Variants in CTNNA3 observed in about 807,000 individuals in gnomAD.
The protein encoded by CTNNA3 is catenin alpha-3.
A neutral mutation model predicts 95.7 loss-of-function variants in CTNNA3; 76 were observed. The ratio of observed to expected loss-of-function variants is 0.79; its 90% confidence interval spans 0.66 to 0.96. CTNNA3 has a LOEUF of 0.96. Ranked by LOEUF, CTNNA3 falls within the 40% of genes least tolerant of loss-of-function variation. The pLI is 0.00. For missense variants in CTNNA3, 1,191 were observed against 1,089.8 expected, an observed-to-expected ratio of 1.09 and a Z score of -1.31; for synonymous variants, 431 against 374.4, an observed-to-expected ratio of 1.15 and a Z score of -1.74.
At chr10:66,123,890 G>A (rs1266063584) in intron 13 of CTNNA3, among the ~76,000 whole-genome samples, 1 of 152,174 alleles carries the variant, frequency 6.6e-6, no homozygotes, top group African/African-American at 2.4e-5. Flanking sequence ...CAGGGACCCT[G>A]GGCCTGGCCC....
intron 14 of CTNNA3, among the ~76,000 whole-genome samples, chr10:66,101,402 A>C (rs550049444): frequency 6.6e-6 from 1 of 152,322 alleles, no homozygotes; most frequent in Non-Finnish European, 1.5e-5. Context: ...TCTCCACTGA[A>C]ATGAAATATT....
At chr10:67,000,783 C>T (rs1045815664) in intron 7 of CTNNA3, among the ~76,000 whole-genome samples, 5 of 152,006 alleles carry the variant, frequency 3.3e-5, no homozygotes, top group African/African-American at 7.2e-5. Flanking sequence ...CTATGGGGAG[C>T]GCATTATGAA....
rs1210482029 is a variant in CTNNA3 at position 67,296,934 on chromosome 10, C to CAAAAAA, written c.580-77070_580-77065dup. ...GGGCAACAAGAATGAAACGCTGTCT[C>CAAAAAA]AAAAAAAAAAAAAAAAAAAAAAAAA... On this transcript the variant is annotated intron_variant, in intron 5 of 17. Coordinates refer to ENST00000433211, the MANE Select transcript of CTNNA3 (RefSeq NM_013266.4). Among the ~76,000 whole-genome samples, 56 of 17,658 alleles carry CAAAAAA rather than the reference C, an allele frequency of 3.2e-3. 8 individuals are homozygous for CAAAAAA. In the East Asian group the frequency reaches 0.037, roughly 12 times the overall value. The allele number at this position is 17,658 out of a possible 152,430, so 11.6% of individuals were successfully genotyped here.
chr10:67,302,011 GAAAGAAAGAAAGAAA>G, intron 5 of CTNNA3, among the ~76,000 whole-genome samples: 1 of 12,580 alleles, frequency 7.9e-5, no homozygotes, highest in Non-Finnish European at 1.2e-4. Flanking sequence ...ACGAAAGAAA[GAAAGAAAGAAAGAAA>G]GAAAGAAAGA....
chr10:66,973,610 T>A (rs1433665057), intron 7 of CTNNA3, among the ~76,000 whole-genome samples: 1 of 152,164 alleles, frequency 6.6e-6, no homozygotes, highest in Non-Finnish European at 1.5e-5. Context: ...TCTCAAATAA[T>A]TTTGTTAGAC....
chr10:67,188,429 G>C (rs1589840187), intron 6 of CTNNA3, among the ~76,000 whole-genome samples: 1 of 152,214 alleles, frequency 6.6e-6, no homozygotes, highest in East Asian at 1.9e-4. Context: ...TGGCAAACCA[G>C]TCATTCACAG....
chr10:67,549,218 T>C (rs1291633437), intron 3 of CTNNA3, among the ~76,000 whole-genome samples: 3 of 152,146 alleles, frequency 2.0e-5, no homozygotes, highest in African/African-American at 7.2e-5. Context: ...CTTTAATAAC[T>C]GTAAAAACTA....
chr10:66,554,786 C>T (rs1842340463), intron 10 of CTNNA3, among the ~76,000 whole-genome samples: 1 of 152,012 alleles, frequency 6.6e-6, no homozygotes, highest in African/African-American at 2.4e-5. Flanking sequence ...GTATAGGCTT[C>T]TTCCTTCTTT....
intron 7 of CTNNA3, among the ~76,000 whole-genome samples, chr10:67,010,541 A>G (rs934195104): frequency 6.6e-6 from 1 of 152,202 alleles, no homozygotes; most frequent in Non-Finnish European, 1.5e-5. Flanking sequence ...GCTCAAGGCA[A>G]GAAGAAGAGT....
intron 15 of CTNNA3, among the ~76,000 whole-genome samples, chr10:66,009,032 G>A (rs532339639): frequency 2.4e-4 from 37 of 152,062 alleles, no homozygotes; most frequent in African/African-American, 4.8e-4. Context: ...CCCTGGAGGC[G>A]GAGGTTGCTG....
At chr10:66,668,459 A>T (rs1286602783) in intron 9 of CTNNA3, among the ~76,000 whole-genome samples, 3 of 109,662 alleles carry the variant, frequency 2.7e-5, no homozygotes, top group African/African-American at 7.3e-5. Context: ...TGTGTGTGTG[A>T]TACACATCCA....
At chr10:67,653,390 A>C (rs1839931650) in intron 1 of CTNNA3, among the ~76,000 whole-genome samples, 1 of 152,146 alleles carries the variant, frequency 6.6e-6, no homozygotes, top group Non-Finnish European at 1.5e-5. Flanking sequence ...TCCAAACTAC[A>C]TATGTCCCTC....
chr10:67,377,062 T>C (rs1281726531), intron 5 of CTNNA3, among the ~76,000 whole-genome samples: 1 of 152,234 alleles, frequency 6.6e-6, no homozygotes, highest in East Asian at 1.9e-4. Context: ...CAGATAAAAG[T>C]GCTCTCTTCC....
intron 10 of CTNNA3, among the ~76,000 whole-genome samples, chr10:66,525,836 C>T (rs1423344067): frequency 6.6e-6 from 1 of 152,044 alleles, no homozygotes; most frequent in African/African-American, 2.4e-5. Flanking sequence ...ACCTAGTAAG[C>T]TCTATTATAC....
intron 8 of CTNNA3, 75 bp from the exon 9 acceptor site, chr10:66,766,491 A>G: frequency 7.6e-7 from 1 of 1,311,488 alleles, no homozygotes; most frequent in African/African-American, 1.5e-5. Flanking sequence ...TTACAATCTC[A>G]GTAGTTACAC....
chr10:66,720,404 C>G (rs1191572200), intron 9 of CTNNA3, among the ~76,000 whole-genome samples: 1 of 152,168 alleles, frequency 6.6e-6, no homozygotes, highest in Non-Finnish European at 1.5e-5. Flanking sequence ...CTTTCATTTG[C>G]AACAAGTTGA....
intron 1 of CTNNA3, among the ~76,000 whole-genome samples, chr10:67,760,204 A>C (rs1430635142): frequency 6.6e-6 from 1 of 152,104 alleles, no homozygotes; most frequent in Non-Finnish European, 1.5e-5. Flanking sequence ...GGGAGGATAG[A>C]TATTGGAATA....
In CTNNA3 at chr10:66,653,398, T is replaced by TAAA. The variant is rs991829063; in HGVS notation, c.1282-31617_1282-31615dup. On this transcript the variant is annotated intron_variant, in intron 9 of 17. Transcript: ENST00000433211. ...GCAATAAAATACGCAGAAATAAATT[T>TAAA]AAACGAGGTAAAAGACCTGTGGATT... 3.6e-4 allele frequency among the ~76,000 whole-genome samples: 29 copies of TAAA among 81,258 alleles called. 1 individual carries two copies. The East Asian group carries it at 0.051, about 143-fold the overall frequency. The allele number at this position is 81,258 out of a possible 152,430, so 53.3% of individuals were successfully genotyped here.
intron 3 of CTNNA3, among the ~76,000 whole-genome samples, chr10:67,583,607 C>T (rs542451344): frequency 3.3e-5 from 5 of 152,222 alleles, no homozygotes; most frequent in East Asian, 1.9e-4. Flanking sequence ...TGTTGGCCTG[C>T]CTTGCTAGGT....
Sources: allele counts gnomAD v4.1 joint callset (sites outside exome capture counted in the v4.1 genomes callset), GRCh38; gene constraint gnomAD v4.1.1; transcripts MANE v1.5; gene names NCBI Gene and HGNC (gene_info 2026-07-23, HGNC 2026-07-21).